ATOSA: variants seen among roughly 807,000 people sequenced by gnomAD.
ATOSA encodes atos homolog A.
chr15:52,662,735 A>G, the ATOSA span, among the ~76,000 whole-genome samples: 1 of 149,006 alleles, frequency 6.7e-6, no homozygotes, highest in South Asian at 2.1e-4. Context: ...GAGCCACTGC[A>G]CTCCAGCCTG....
chr15:52,690,423 A>G, the ATOSA span, among the ~76,000 whole-genome samples: 1 of 152,212 alleles, frequency 6.6e-6, no homozygotes. Flanking sequence ...TTAAATATTC[A>G]TGGTTTCCGA....
chr15:52,600,079 C>T, the ATOSA span: 1 of 933,036 alleles, frequency 1.1e-6, no homozygotes, highest in South Asian at 1.4e-5. Context: ...CACCCTAGAA[C>T]CTAGGGTATA....
chr15:52,589,577 T>G, the ATOSA span, among the ~76,000 whole-genome samples: 1 of 152,120 alleles, frequency 6.6e-6, no homozygotes, highest in Non-Finnish European at 1.5e-5. Flanking sequence ...ACCATAAAGT[T>G]GAAGGCAACA....
At chr15:52,690,211 A>G in the ATOSA span, among the ~76,000 whole-genome samples, 3 of 152,228 alleles carry the variant, frequency 2.0e-5, no homozygotes, top group African/African-American at 7.2e-5. Flanking sequence ...TACTTATTCA[A>G]TCAATAATAT....
the ATOSA span, chr15:52,613,834 A>T: frequency 3.3e-5 from 54 of 1,613,656 alleles, no homozygotes; most frequent in Non-Finnish European, 4.6e-5. Context: ...TCTGCATCAT[A>T]TTCAAAATAT....
chr15:52,658,167 T>C, the ATOSA span: 1 of 152,090 alleles, frequency 6.6e-6, no homozygotes, highest in Non-Finnish European at 1.5e-5. Flanking sequence ...TTGGAGAAAA[T>C]AGTCGCTAGA....
the ATOSA span, among the ~76,000 whole-genome samples, chr15:52,597,407 A>C: frequency 6.6e-6 from 1 of 152,220 alleles, no homozygotes; most frequent in Admixed American, 6.5e-5. Context: ...TGAATAAACA[A>C]ACTGTGGTCT....
At chr15:52,696,729 A>T in the ATOSA span, among the ~76,000 whole-genome samples, 30 of 152,226 alleles carry the variant, frequency 2.0e-4, no homozygotes, top group African/African-American at 6.5e-4. Flanking sequence ...ATTATATTAG[A>T]CCTACCACTA....
chr15:52,662,904 G>T, the ATOSA span, among the ~76,000 whole-genome samples: 13 of 152,118 alleles, frequency 8.5e-5, no homozygotes, highest in African/African-American at 3.1e-4. Context: ...AAAAATAAAT[G>T]GAGAAGAAAA....
At chr15:52,598,347 T>C in the ATOSA span, among the ~76,000 whole-genome samples, 3 of 152,208 alleles carry the variant, frequency 2.0e-5, no homozygotes, top group African/African-American at 7.2e-5. Context: ...AAGGTGACTA[T>C]TAGCTATTAG....
the ATOSA span, among the ~76,000 whole-genome samples, chr15:52,587,860 TA>T: frequency 4.6e-5 from 7 of 152,220 alleles, no homozygotes; most frequent in Non-Finnish European, 1.5e-5. Flanking sequence ...TTCCTAAAAT[TA>T]AATATTTCTT....
At chr15:52,670,408 T>C in the ATOSA span, among the ~76,000 whole-genome samples, 2 of 152,190 alleles carry the variant, frequency 1.3e-5, no homozygotes, top group African/African-American at 4.8e-5. Flanking sequence ...AAACCGTTGT[T>C]CAGAAAGGCT....
At chr15:52,694,754 TG>T in the ATOSA span, among the ~76,000 whole-genome samples, 1 of 152,026 alleles carries the variant, frequency 6.6e-6, no homozygotes, top group Non-Finnish European at 1.5e-5. Context: ...CAAAATACAA[TG>T]TTTGTGATAT....
At chr15:52,646,119 TTCTCCCAACCA>T in the ATOSA span, among the ~76,000 whole-genome samples, 1 of 152,216 alleles carries the variant, frequency 6.6e-6, no homozygotes, top group South Asian at 2.1e-4. Context: ...TTCAACATCC[TTCTCCCAACCA>T]TATGAATGAC....
At chr15:52,641,975 T>C in the ATOSA span, among the ~76,000 whole-genome samples, 5 of 152,246 alleles carry the variant, frequency 3.3e-5, no homozygotes, top group Non-Finnish European at 7.3e-5. Context: ...AGAATATTTC[T>C]AAATATTCTA....
the ATOSA span, among the ~76,000 whole-genome samples, chr15:52,681,152 A>T: frequency 2.0e-5 from 3 of 152,258 alleles, no homozygotes; most frequent in African/African-American, 7.2e-5. Context: ...TGATGTCAAC[A>T]TTTGTTAGAC....
At chr15:52,682,086 G>A in the ATOSA span, among the ~76,000 whole-genome samples, 1 of 152,160 alleles carries the variant, frequency 6.6e-6, no homozygotes, top group Non-Finnish European at 1.5e-5. Flanking sequence ...TCTTGTGCAT[G>A]CCTGTAGTCT....
At chr15:52,653,666 C>T in the ATOSA span, among the ~76,000 whole-genome samples, 1 of 152,190 alleles carries the variant, frequency 6.6e-6, no homozygotes, top group Non-Finnish European at 1.5e-5. Flanking sequence ...TCAGTTTCCT[C>T]ATCTGTACAA....
the ATOSA span, among the ~76,000 whole-genome samples, chr15:52,640,593 A>T: frequency 1.7e-3 from 243 of 146,786 alleles, 8 homozygotes; most frequent in East Asian, 0.024. Flanking sequence ...AAAAAAAAAA[A>T]AAAAAGGCAG....
Sources: gnomAD v4.1 joint callset for allele counts (sites outside exome capture counted in the v4.1 genomes callset) on GRCh38, gnomAD v4.1.1 for gene constraint, MANE v1.5 for transcripts, NCBI Gene and HGNC (gene_info 2026-07-23, HGNC 2026-07-21) for gene names.